CNTNAP2: variants seen among roughly 807,000 people sequenced by gnomAD.
CNTNAP2 encodes contactin-associated protein-like 2.
CNTNAP2 carries 98 observed loss-of-function variants against 155.2 expected under a neutral mutation model. The ratio of observed to expected loss-of-function variants is 0.63; its 90% confidence interval spans 0.54 to 0.75. CNTNAP2 has a LOEUF of 0.75. Among genes scored for constraint, CNTNAP2 ranks in the 30% least tolerant of loss-of-function variants. CNTNAP2 has a pLI of 0.00. For synonymous variants in CNTNAP2, 651 were observed against 631.2 expected, an observed-to-expected ratio of 1.03 and a Z score of -0.47; for missense variants, 1,727 against 1,688.1, an observed-to-expected ratio of 1.02 and a Z score of -0.40.
At chr7:146,642,858 G>C (rs36199216) in intron 1 of CNTNAP2, among the ~76,000 whole-genome samples, 31,293 of 151,416 alleles carry the variant, frequency 0.21, 3,505 homozygotes, top group East Asian at 0.47. Flanking sequence ...ATTCTAACTG[G>C]TGTGAGATGG....
chr7:147,517,158 C>T (rs1342901417), intron 11 of CNTNAP2, among the ~76,000 whole-genome samples: 1 of 151,994 alleles, frequency 6.6e-6, no homozygotes, highest in African/African-American at 2.4e-5. Flanking sequence ...GCGTCAGCCA[C>T]CATGCCCCAC....
At chr7:147,533,985 T>C (rs1799492614) in intron 11 of CNTNAP2, among the ~76,000 whole-genome samples, 1 of 152,222 alleles carries the variant, frequency 6.6e-6, no homozygotes, top group Non-Finnish European at 1.5e-5. Flanking sequence ...ACTATTCAGT[T>C]AGCAAGCTAT....
chr7:147,357,465 G>A (rs1796083205), intron 9 of CNTNAP2, among the ~76,000 whole-genome samples: 1 of 152,068 alleles, frequency 6.6e-6, no homozygotes, highest in African/African-American at 2.4e-5. Flanking sequence ...GATCTAAGGT[G>A]ATGGAATCTG....
intron 21 of CNTNAP2, among the ~76,000 whole-genome samples, chr7:148,370,817 A>G (rs1798873601): frequency 6.6e-6 from 1 of 152,158 alleles, no homozygotes; most frequent in Non-Finnish European, 1.5e-5. Context: ...TTAATGCCCC[A>G]CAGAACAAGT....
chr7:147,345,376 T>C (rs1392967090), intron 9 of CNTNAP2, among the ~76,000 whole-genome samples: 1 of 152,238 alleles, frequency 6.6e-6, no homozygotes, highest in Admixed American at 6.5e-5. Flanking sequence ...TGTTAGTTGA[T>C]TGAAAATGGA....
intron 9 of CNTNAP2, among the ~76,000 whole-genome samples, chr7:147,370,344 G>C (rs186537005): frequency 2.0e-5 from 3 of 152,236 alleles, no homozygotes; most frequent in Admixed American, 6.5e-5. Context: ...CACACCACAC[G>C]TCCTTGGGGC....
At chr7:147,474,993 G>A (rs957563203) in intron 10 of CNTNAP2, among the ~76,000 whole-genome samples, 3 of 152,138 alleles carry the variant, frequency 2.0e-5, no homozygotes, top group Admixed American at 1.3e-4. Flanking sequence ...TATTATAAAC[G>A]CTGTTCTGTC....
intron 15 of CNTNAP2, among the ~76,000 whole-genome samples, chr7:148,024,898 A>G (rs1162632211): frequency 6.6e-6 from 1 of 152,194 alleles, no homozygotes; most frequent in African/African-American, 2.4e-5. Flanking sequence ...CAGAGGTGGA[A>G]GCAAATGAAA....
intron 13 of CNTNAP2, among the ~76,000 whole-genome samples, chr7:147,670,234 C>T (rs1795765716): frequency 6.6e-6 from 1 of 151,994 alleles, no homozygotes; most frequent in Admixed American, 6.6e-5. Flanking sequence ...TGGTCTAAGT[C>T]CTGCATTAAT....
At chr7:146,516,352 A>T (rs976469260) in intron 1 of CNTNAP2, among the ~76,000 whole-genome samples, 35 of 152,080 alleles carry the variant, frequency 2.3e-4, no homozygotes, top group Admixed American at 1.1e-3. Flanking sequence ...AGACCAGAAT[A>T]TAACTCTAGA....
intron 21 of CNTNAP2, among the ~76,000 whole-genome samples, chr7:148,294,532 C>T (rs961404468): frequency 5.9e-5 from 9 of 152,238 alleles, no homozygotes; most frequent in Middle Eastern, 6.8e-3. Flanking sequence ...AGGAGCAACG[C>T]TTTGTGTTAC....
chr7:147,881,787 A>G (rs922292826), intron 13 of CNTNAP2, among the ~76,000 whole-genome samples: 7 of 152,096 alleles, frequency 4.6e-5, no homozygotes, highest in Admixed American at 4.6e-4. Context: ...CCTGGCCAAC[A>G]ACGGTGAAAC....
intron 1 of CNTNAP2, among the ~76,000 whole-genome samples, chr7:146,460,487 G>A (rs1796620422): frequency 6.6e-6 from 1 of 152,126 alleles, no homozygotes; most frequent in South Asian, 2.1e-4. Flanking sequence ...CATGTTTATT[G>A]AAGCACTGTT....
At chr7:146,296,980 TTCTG>T (rs906919912) in intron 1 of CNTNAP2, among the ~76,000 whole-genome samples, 1 of 150,102 alleles carries the variant, frequency 6.7e-6, no homozygotes, top group African/African-American at 2.5e-5. Context: ...GTGTGTGTGT[TTCTG>T]TGTGTGTGTT....
chr7:148,200,564 C>T (rs1014299843), intron 18 of CNTNAP2, among the ~76,000 whole-genome samples: 43 of 152,032 alleles, frequency 2.8e-4, no homozygotes, highest in African/African-American at 1.0e-3. Context: ...CTGGCTTTCA[C>T]ATTATATTTC....
chr7:146,302,432 A>G (rs10265641), intron 1 of CNTNAP2, among the ~76,000 whole-genome samples: 9,792 of 152,166 alleles, frequency 0.064, 877 homozygotes, highest in African/African-American at 0.2. Context: ...GTATGGCAGA[A>G]ATATTAACAG....
intron 13 of CNTNAP2, among the ~76,000 whole-genome samples, chr7:147,801,337 T>C: frequency 6.6e-6 from 1 of 150,984 alleles, no homozygotes; most frequent in Non-Finnish European, 1.5e-5. Flanking sequence ...ATTTTTTTTT[T>C]TTTTTATTGA....
intron 1 of CNTNAP2, among the ~76,000 whole-genome samples, chr7:146,354,067 C>T (rs762981686): frequency 3.3e-5 from 5 of 152,114 alleles, no homozygotes; most frequent in African/African-American, 1.2e-4. Flanking sequence ...TTACACTCAA[C>T]GAGATAATCT....
chr7:146,751,267 A>G (rs1206198727), intron 1 of CNTNAP2, among the ~76,000 whole-genome samples: 1 of 151,236 alleles, frequency 6.6e-6, no homozygotes, highest in Admixed American at 6.6e-5. Context: ...ATTTGAGCAT[A>G]CAAATTTAAT....
Sources: allele counts gnomAD v4.1 joint callset (sites outside exome capture counted in the v4.1 genomes callset), GRCh38; gene constraint gnomAD v4.1.1; transcripts MANE v1.5; gene names NCBI Gene and HGNC (gene_info 2026-07-23, HGNC 2026-07-21).